IFT46: variants seen among roughly 807,000 people sequenced by gnomAD.
The protein encoded by IFT46 is intraflagellar transport 46.
IFT46 carries 19 observed loss-of-function variants against 39.6 expected under a neutral mutation model. That is an observed-to-expected ratio of 0.48 (90% confidence interval 0.33 to 0.70). The LOEUF is 0.70. IFT46 is among the 30% of genes least tolerant of loss of function. The probability of loss-of-function intolerance (pLI) is 0.01; values close to 1 mark genes in which losing one functional copy is unlikely to be tolerated. For synonymous variants in IFT46, 117 were observed against 134.8 expected, an observed-to-expected ratio of 0.87 and a Z score of 0.91; for missense variants, 334 against 364.8, an observed-to-expected ratio of 0.92 and a Z score of 0.69.
chr11:118,567,401 C>A (rs1243778511), upstream of IFT46, among the ~76,000 whole-genome samples: 1 of 151,898 alleles, frequency 6.6e-6, no homozygotes, highest in Non-Finnish European at 1.5e-5. Flanking sequence ...ATGGTGAAAC[C>A]CCCGTCTCTA....
upstream of IFT46, among the ~76,000 whole-genome samples, chr11:118,576,665 C>T (rs1435928634): frequency 6.6e-6 from 1 of 152,006 alleles, no homozygotes; most frequent in East Asian, 1.9e-4. Flanking sequence ...TAGAGGTGAC[C>T]ATACCTTCTA....
At chr11:118,547,247 A>C (rs2135472656) in intron 9 of IFT46, 1 of 152,330 alleles carries the variant, frequency 6.6e-6, no homozygotes, top group African/African-American at 2.4e-5. Context: ...TTTAGTAGGG[A>C]AGAACAAAAT....
intron 1 of IFT46, chr11:118,572,456 A>C: frequency 7.4e-7 from 1 of 1,360,162 alleles, no homozygotes; most frequent in Non-Finnish European, 1.0e-6. Flanking sequence ...AGGGGGCAGC[A>C]GGTCCAGAGC....
exon 1 of IFT46, chr11:118,572,631 G>A: frequency 6.5e-7 from 1 of 1,544,758 alleles, no homozygotes; most frequent in African/African-American, 1.4e-5. Context: ...GGCAGGGGCC[G>A]GAGGAGCCCC....
intron 3 of IFT46, 93 bp from the exon 4 acceptor site, chr11:118,557,138 C>A: frequency 1.8e-6 from 2 of 1,121,204 alleles, no homozygotes; most frequent in Non-Finnish European, 2.4e-6. Context: ...AATACACCAA[C>A]CACCTGGCAC....
intron 1 of IFT46, 125 bp from the exon 2 acceptor site, chr11:118,565,186 A>G (rs1938183319): frequency 6.6e-6 from 1 of 152,190 alleles, no homozygotes; most frequent in Admixed American, 6.6e-5. Flanking sequence ...TCACAAAACC[A>G]TCACCCCATC....
chr11:118,546,151 A>C (rs1434431808), intron 9 of IFT46: 2 of 718,446 alleles, frequency 2.8e-6, no homozygotes, highest in African/African-American at 3.5e-5. Flanking sequence ...CGCATAACAG[A>C]GGGAAGACCA....
intron 2 of IFT46, among the ~76,000 whole-genome samples, chr11:118,564,081 C>T (rs1217780457): frequency 6.7e-6 from 1 of 149,766 alleles, no homozygotes; most frequent in Non-Finnish European, 1.5e-5. Flanking sequence ...CCCAGCTACT[C>T]GGGAGGCTGA....
intron 1 of IFT46, chr11:118,572,262 A>C: frequency 2.2e-6 from 1 of 445,718 alleles, no homozygotes; most frequent in Non-Finnish European, 4.0e-6. Flanking sequence ...GAGGTTCCAC[A>C]GCTGGAGGGT....
intron 1 of IFT46, among the ~76,000 whole-genome samples, chr11:118,571,693 A>G (rs1487264016): frequency 6.6e-6 from 1 of 152,140 alleles, no homozygotes; most frequent in Non-Finnish European, 1.5e-5. Context: ...ATCTATTCAA[A>G]TCTTTTGCTC....
chr11:118,546,216 G>T, intron 9 of IFT46: 2 of 715,814 alleles, frequency 2.8e-6, no homozygotes, highest in Non-Finnish European at 5.2e-6. Flanking sequence ...ATCAATCTTG[G>T]TGGGGCGTGG....
At chr11:118,556,788 T>C in intron 4 of IFT46, 118 bp downstream of exon 4, 3 of 1,275,970 alleles carry the variant, frequency 2.4e-6, no homozygotes, top group Non-Finnish European at 3.1e-6. Flanking sequence ...CTGAAAATCC[T>C]AAATACAGGA....
intron 10 of IFT46, 116 bp from the exon 11 acceptor site, chr11:118,545,610 T>A: frequency 9.2e-7 from 1 of 1,083,708 alleles, no homozygotes; most frequent in Non-Finnish European, 1.4e-6. Flanking sequence ...ACTTTGGGGG[T>A]TAAATACCCA....
chr11:118,560,665 C>T (rs1938022067), intron 2 of IFT46: 1 of 527,934 alleles, frequency 1.9e-6, no homozygotes, highest in African/African-American at 1.9e-5. Flanking sequence ...TGTCGAGCCG[C>T]AAACGCGGGT....
At chr11:118,575,438 TTTAA>T (rs1199862108), upstream of IFT46, among the ~76,000 whole-genome samples, 4 of 127,728 alleles carry the variant, frequency 3.1e-5, no homozygotes, top group Admixed American at 1.5e-4. Context: ...GTGTGTGTGT[TTTAA>T]TTCTCTGCAA....
upstream of IFT46, among the ~76,000 whole-genome samples, chr11:118,575,131 A>G (rs1938460077): frequency 6.6e-6 from 1 of 152,100 alleles, no homozygotes; most frequent in African/African-American, 2.4e-5. Flanking sequence ...GGCGCCTGCC[A>G]CCACGCCCAA....
chr11:118,561,545 TC>T, intron 2 of IFT46: 1 of 697,452 alleles, frequency 1.4e-6, no homozygotes, highest in Non-Finnish European at 2.6e-6. Context: ...GAAGGCAAGC[TC>T]CCTCAGAGCT....
chr11:118,568,677 CTT>C (rs1302486878), upstream of IFT46, among the ~76,000 whole-genome samples: 1 of 148,500 alleles, frequency 6.7e-6, no homozygotes, highest in Non-Finnish European at 1.5e-5. Flanking sequence ...CTTTTTTTTT[CTT>C]TTTTTGAGAC....
upstream of IFT46, among the ~76,000 whole-genome samples, chr11:118,575,570 T>C (rs1938476359): frequency 6.6e-6 from 1 of 152,190 alleles, no homozygotes; most frequent in Non-Finnish European, 1.5e-5. Context: ...TCTGATTTTA[T>C]CTATAATAGC....
Sources: gnomAD v4.1 joint callset for allele counts (sites outside exome capture counted in the v4.1 genomes callset) on GRCh38, gnomAD v4.1.1 for gene constraint, MANE v1.5 for transcripts, NCBI Gene and HGNC (gene_info 2026-07-23, HGNC 2026-07-21) for gene names.